The following MTUS2 variants were observed in gnomAD, a reference collection of about 807,000 sequenced individuals.
MTUS2 encodes microtubule-associated tumor suppressor candidate 2.
Under a neutral mutation model 114.1 loss-of-function variants are expected in MTUS2, and 40 were observed. That is an observed-to-expected ratio of 0.35 (90% CI 0.27 to 0.46). MTUS2 has a LOEUF of 0.46. Among genes scored for constraint, MTUS2 ranks in the 20% least tolerant of loss-of-function variants. The pLI, the probability that MTUS2 is intolerant of heterozygous loss-of-function variation, is 1.00. For missense variants in MTUS2, 1,679 were observed against 1,705.4 expected (o/e 0.98, Z 0.27); for synonymous variants, 688 against 672.0 (o/e 1.02, Z -0.37).
intron 5 of MTUS2, among the ~76,000 whole-genome samples, chr13:29,203,628 C>T (rs1746086122): frequency 6.6e-6 from 1 of 150,946 alleles, no homozygotes; most frequent in South Asian, 2.1e-4. Context: ...CAATTTTGTG[C>T]TTCAAATCCA....
intron 2 of MTUS2, among the ~76,000 whole-genome samples, chr13:28,989,632 C>G (rs541536778): frequency 1.8e-4 from 28 of 152,288 alleles, no homozygotes; most frequent in Admixed American, 2.0e-4. Flanking sequence ...CAGGTGTCCA[C>G]AGGGCCCACA....
chr13:29,258,451 T>G (rs1897352103), intron 5 of MTUS2, among the ~76,000 whole-genome samples: 1 of 152,232 alleles, frequency 6.6e-6, no homozygotes, highest in African/African-American at 2.4e-5. Context: ...AAGGCAACTG[T>G]GCCACAGAAC....
intron 2 of MTUS2, among the ~76,000 whole-genome samples, chr13:28,898,950 C>T (rs117176441): frequency 4.1e-4 from 63 of 152,280 alleles, no homozygotes; most frequent in African/African-American, 1.4e-3. Flanking sequence ...GATGAAGATG[C>T]GTACCTTTTA....
intron 5 of MTUS2, among the ~76,000 whole-genome samples, chr13:29,278,550 G>A (rs935103975): frequency 6.6e-6 from 1 of 152,186 alleles, no homozygotes; most frequent in Non-Finnish European, 1.5e-5. Context: ...CCACCTGTCA[G>A]AAAGGTATAA....
At chr13:29,492,191 ATGTGTGTGTGG>A in intron 11 of MTUS2, among the ~76,000 whole-genome samples, 1 of 2,052 alleles carries the variant, frequency 4.9e-4, no homozygotes, top group African/African-American at 1.5e-3. Context: ...GTAGGTGTGT[ATGTGTGTGTGG>A]TGTGTATGTG....
intron 6 of MTUS2, among the ~76,000 whole-genome samples, chr13:29,294,954 C>G (rs1898875333): frequency 6.6e-6 from 1 of 152,184 alleles, no homozygotes; most frequent in South Asian, 2.1e-4. Context: ...GAAACAGGCT[C>G]TTCTTGGAAA....
intron 5 of MTUS2, among the ~76,000 whole-genome samples, chr13:29,111,965 A>T (rs1890901423): frequency 6.6e-6 from 1 of 152,130 alleles, no homozygotes; most frequent in African/African-American, 2.4e-5. Context: ...TGAGGCTTTG[A>T]TGAGTTTGGG....
intron 4 of MTUS2, among the ~76,000 whole-genome samples, chr13:29,042,764 A>C (rs915846685): frequency 6.6e-6 from 1 of 152,156 alleles, no homozygotes; most frequent in Admixed American, 6.5e-5. Flanking sequence ...AAAGGTGTTC[A>C]TAGTAGCCTG....
At chr13:29,216,153 C>G (rs1331208336) in intron 5 of MTUS2, among the ~76,000 whole-genome samples, 1 of 152,248 alleles carries the variant, frequency 6.6e-6, no homozygotes, top group Non-Finnish European at 1.5e-5. Context: ...CCAGTCCAAA[C>G]TTTCTGGCAG....
intron 7 of MTUS2, among the ~76,000 whole-genome samples, chr13:29,358,022 C>G (rs1368438414): frequency 6.6e-6 from 1 of 152,028 alleles, no homozygotes; most frequent in African/African-American, 2.4e-5. Flanking sequence ...ATATGTTGCT[C>G]CCTGGTATCT....
chr13:29,447,686 T>G (rs1878388992), intron 9 of MTUS2, among the ~76,000 whole-genome samples: 1 of 151,240 alleles, frequency 6.6e-6, no homozygotes, highest in African/African-American at 2.4e-5. Flanking sequence ...ATGGCTCTTG[T>G]CTGTGGGGTT....
chr13:28,926,677 T>C (rs999054833), intron 2 of MTUS2, among the ~76,000 whole-genome samples: 3 of 152,242 alleles, frequency 2.0e-5, no homozygotes, highest in African/African-American at 7.2e-5. Context: ...ATTTTGGTAG[T>C]TGATTGTGCA....
chr13:29,278,612 A>G (rs149848703), intron 5 of MTUS2, among the ~76,000 whole-genome samples: 68 of 152,364 alleles, frequency 4.5e-4, no homozygotes, highest in Middle Eastern at 3.4e-3. Flanking sequence ...AAATCCAGTG[A>G]TGCTACATTT....
intron 6 of MTUS2, among the ~76,000 whole-genome samples, chr13:29,309,965 A>G (rs574715897): frequency 6.6e-6 from 1 of 152,144 alleles, no homozygotes; most frequent in African/African-American, 2.4e-5. Flanking sequence ...ACAAAAAATT[A>G]TTGTTGACAG....
intron 5 of MTUS2, among the ~76,000 whole-genome samples, chr13:29,147,643 A>G (rs181711109): frequency 2.6e-5 from 4 of 151,846 alleles, no homozygotes; most frequent in Admixed American, 2.0e-4. Flanking sequence ...ATTTATCTCC[A>G]TGTGTACCCA....
chr13:29,456,891 A>G (rs1879143675), intron 9 of MTUS2, among the ~76,000 whole-genome samples: 1 of 152,132 alleles, frequency 6.6e-6, no homozygotes, highest in Non-Finnish European at 1.5e-5. Context: ...TAATCCCAGC[A>G]CTTTGGGAGG....
At chr13:29,497,383 A>G in intron 13 of MTUS2, 47 bp downstream of exon 13, 1 of 1,525,436 alleles carries the variant, frequency 6.6e-7, no homozygotes, top group Non-Finnish European at 8.9e-7. Flanking sequence ...ACCCCGCCCC[A>G]GCAAGGCCGA....
intron 5 of MTUS2, among the ~76,000 whole-genome samples, chr13:29,154,418 A>G (rs1892777777): frequency 1.3e-5 from 2 of 152,220 alleles, no homozygotes; most frequent in Non-Finnish European, 2.9e-5. Flanking sequence ...AAAAGAATTA[A>G]AAGGCCATCA....
chr13:29,198,701 G>T (rs917220256), intron 5 of MTUS2, among the ~76,000 whole-genome samples: 2 of 152,158 alleles, frequency 1.3e-5, no homozygotes, highest in African/African-American at 4.8e-5. Context: ...CTATCCATGA[G>T]CATGGAATGT....
Sources: allele counts gnomAD v4.1 joint callset (sites outside exome capture counted in the v4.1 genomes callset), GRCh38; gene constraint gnomAD v4.1.1; transcripts MANE v1.5; gene names NCBI Gene and HGNC (gene_info 2026-07-23, HGNC 2026-07-21).